WWP1: variants seen among roughly 807,000 people sequenced by gnomAD.
WWP1 encodes WW domain containing E3 ubiquitin protein ligase 1.
WWP1 carries 49 observed loss-of-function variants against 130.6 expected under a neutral mutation model. The observed-to-expected ratio is 0.38, with a 90% CI of 0.30 to 0.48. WWP1 has a LOEUF of 0.48. Ranked by LOEUF, WWP1 falls within the 20% of genes least tolerant of loss-of-function variation. The pLI is 0.99. For synonymous variants in WWP1, 332 were observed against 367.8 expected (o/e 0.90, Z 1.11); for missense variants, 809 against 1,100.6 (o/e 0.74, Z 3.75).
chr8:86,390,062 G>A (rs1331301291), intron 5 of WWP1, among the ~76,000 whole-genome samples: 3 of 151,456 alleles, frequency 2.0e-5, no homozygotes, highest in Non-Finnish European at 2.9e-5. Flanking sequence ...AGACGGGGTC[G>A]CAGCTGGGCA....
At chr8:86,428,389 CAA>C (rs1484350919) in intron 11 of WWP1, among the ~76,000 whole-genome samples, 3 of 152,080 alleles carry the variant, frequency 2.0e-5, no homozygotes, top group Non-Finnish European at 4.4e-5. Flanking sequence ...AAAAACAAAA[CAA>C]AACTCCTCTG....
At chr8:86,443,367 C>T (rs1810695167) in intron 18 of WWP1, among the ~76,000 whole-genome samples, 1 of 152,134 alleles carries the variant, frequency 6.6e-6, no homozygotes, top group Admixed American at 6.5e-5. Context: ...AGCCACCACT[C>T]CCAGCCTACT....
intron 5 of WWP1, chr8:86,387,029 G>A (rs369370516): frequency 6.6e-5 from 10 of 152,270 alleles, no homozygotes; most frequent in South Asian, 4.1e-4. Flanking sequence ...AATTCCATCC[G>A]TGAGGACTGC....
At chr8:86,429,011 G>A (rs557625951) in intron 11 of WWP1, among the ~76,000 whole-genome samples, 6 of 152,216 alleles carry the variant, frequency 3.9e-5, no homozygotes, top group Admixed American at 2.6e-4. Flanking sequence ...CAAGTCTGGG[G>A]TAAAAGTGTA....
chr8:86,391,695 G>T (rs934094427), intron 5 of WWP1, among the ~76,000 whole-genome samples: 1 of 151,866 alleles, frequency 6.6e-6, no homozygotes. Flanking sequence ...GAGTGGGGGT[G>T]GGGGGTTCAA....
chr8:86,412,975 C>T (rs1808675910), intron 9 of WWP1, among the ~76,000 whole-genome samples: 1 of 151,968 alleles, frequency 6.6e-6, no homozygotes, highest in South Asian at 2.1e-4. Context: ...ATTAGAGGCA[C>T]CCGCCACTAT....
chr8:86,445,961 CTTTTCTTTTCTTTTCT>C (rs1461027038), intron 18 of WWP1, among the ~76,000 whole-genome samples: 19 of 111,068 alleles, frequency 1.7e-4, no homozygotes, highest in African/African-American at 7.3e-4. Context: ...CTTTTCTTTT[CTTTTCTTTTCTTTTCT>C]TTTTTTTTTT....
At chr8:86,388,720 A>C (rs1825433253) in intron 5 of WWP1, among the ~76,000 whole-genome samples, 1 of 152,148 alleles carries the variant, frequency 6.6e-6, no homozygotes, top group African/African-American at 2.4e-5. Flanking sequence ...TTTCTTTTAT[A>C]ATAGTTCTTA....
intron 1 of WWP1, among the ~76,000 whole-genome samples, chr8:86,343,980 G>A (rs1822410996): frequency 6.6e-6 from 1 of 151,362 alleles, no homozygotes; most frequent in Non-Finnish European, 1.5e-5. Context: ...TTTAACAAGA[G>A]TTCATGTTTA....
chr8:86,461,045 G>A (rs1054340723), intron 22 of WWP1, among the ~76,000 whole-genome samples, 179 bp from the exon 23 acceptor site: 4 of 151,828 alleles, frequency 2.6e-5, no homozygotes, highest in South Asian at 2.1e-4. Context: ...TCCTGACCTC[G>A]TGATCCGCCT....
At chr8:86,409,577 A>C (rs1367059439) in intron 8 of WWP1, among the ~76,000 whole-genome samples, 1 of 150,942 alleles carries the variant, frequency 6.6e-6, no homozygotes, top group African/African-American at 2.4e-5. Context: ...TTCTTACAAT[A>C]GGCTGGGCAC....
chr8:86,358,322 T>C (rs866728098), intron 1 of WWP1, among the ~76,000 whole-genome samples: 1 of 152,320 alleles, frequency 6.6e-6, no homozygotes, highest in South Asian at 2.1e-4. Context: ...TTCTTAATGA[T>C]ATTTTAATGT....
intron 24 of WWP1, among the ~76,000 whole-genome samples, chr8:86,464,485 T>A (rs937762286): frequency 1.3e-5 from 2 of 152,140 alleles, no homozygotes; most frequent in Non-Finnish European, 2.9e-5. Flanking sequence ...TAGCTATAAT[T>A]CATATAAATA....
intron 7 of WWP1, among the ~76,000 whole-genome samples, chr8:86,400,838 T>G (rs1807935381): frequency 6.6e-6 from 1 of 152,176 alleles, no homozygotes; most frequent in Non-Finnish European, 1.5e-5. Context: ...AAGGTGTGGC[T>G]GATTTTCAAA....
At chr8:86,416,390 A>C (rs901024682) in intron 9 of WWP1, among the ~76,000 whole-genome samples, 4 of 152,190 alleles carry the variant, frequency 2.6e-5, no homozygotes, top group African/African-American at 9.7e-5. Flanking sequence ...GCAGTAGGTC[A>C]GTGGAGGGAG....
chr8:86,459,157 C>A (rs1251615172), intron 22 of WWP1, among the ~76,000 whole-genome samples: 1 of 151,180 alleles, frequency 6.6e-6, no homozygotes, highest in Non-Finnish European at 1.5e-5. Flanking sequence ...AGCACCCCCA[C>A]TCCAAGTAGT....
chr8:86,353,806 T>G (rs1045281919), intron 1 of WWP1, among the ~76,000 whole-genome samples: 6 of 152,332 alleles, frequency 3.9e-5, no homozygotes, highest in African/African-American at 9.6e-5. Flanking sequence ...TGTATCTGTT[T>G]GTTTTCACTG....
At chr8:86,449,713 C>G (rs1327030488) in intron 20 of WWP1, among the ~76,000 whole-genome samples, 1 of 152,196 alleles carries the variant, frequency 6.6e-6, no homozygotes, top group East Asian at 1.9e-4. Flanking sequence ...ATGAATAGTA[C>G]TACCATTTTC....
intron 20 of WWP1, among the ~76,000 whole-genome samples, chr8:86,449,322 A>G (rs996474751): frequency 6.6e-6 from 1 of 152,244 alleles, no homozygotes; most frequent in Admixed American, 6.5e-5. Context: ...AAACATTTTC[A>G]GGAAAGAACC....
Sources: allele counts gnomAD v4.1 joint callset (sites outside exome capture counted in the v4.1 genomes callset), GRCh38; gene constraint gnomAD v4.1.1; transcripts MANE v1.5; gene names NCBI Gene and HGNC (gene_info 2026-07-23, HGNC 2026-07-21).